ZFHX3: variants seen among roughly 807,000 people sequenced by gnomAD.
ZFHX3 encodes zinc finger homeobox protein 3.
In ZFHX3, 42 loss-of-function variants were observed where a neutral mutation model predicts 279.1. That is an observed-to-expected ratio of 0.15 (90% CI 0.12 to 0.19). ZFHX3 has a LOEUF of 0.19. Ranked by LOEUF, ZFHX3 falls within the 10% of genes least tolerant of loss-of-function variation. ZFHX3 has a pLI of 1.00. For missense variants in ZFHX3, 4,981 were observed against 4,754.0 expected (o/e 1.05, Z -1.40); for synonymous variants, 2,293 against 1,957.8 (o/e 1.17, Z -4.52).
intron 1 of ZFHX3, among the ~76,000 whole-genome samples, chr16:73,807,635 T>C (rs1960315792): frequency 7.0e-6 from 1 of 142,346 alleles, no homozygotes; most frequent in Non-Finnish European, 1.5e-5. Flanking sequence ...TTTTTTTTTT[T>C]TTTTTTTTTT....
chr16:73,665,943 G>A (rs1002000147), intron 2 of ZFHX3, among the ~76,000 whole-genome samples: 1 of 149,978 alleles, frequency 6.7e-6, no homozygotes, highest in African/African-American at 2.5e-5. Flanking sequence ...AACTTCATGA[G>A]TAACTGGGAC....
At chr16:73,414,245 A>G (rs541266922) in intron 3 of ZFHX3, among the ~76,000 whole-genome samples, 1 of 152,388 alleles carries the variant, frequency 6.6e-6, no homozygotes, top group African/African-American at 2.4e-5. Context: ...GAAAGGGACC[A>G]TAATTCAGGG....
At chr16:73,578,974 G>C (rs1046767901) in intron 2 of ZFHX3, among the ~76,000 whole-genome samples, 1 of 152,172 alleles carries the variant, frequency 6.6e-6, no homozygotes, top group African/African-American at 2.4e-5. Flanking sequence ...AGAAGGGAGA[G>C]CCGGACATGC....
rs1163028522 is a variant in ZFHX3 at position 72,784,283 on chromosome 16, C to T, written c.*2881G>A. 2 of 149,296 alleles carry T rather than the reference C, an allele frequency of 1.3e-5. No individual in the cohort carries two copies. The highest frequency in any genetic ancestry group is 4.9e-5 in the African/African-American group (2 of 40,586). 9.2% of individuals were successfully genotyped at this position (149,296 alleles called of 1,614,324 possible). On this transcript the variant is annotated 3_prime_UTR_variant, in exon 10 of 10. Transcript: ENST00000268489. The stretch of plus-strand genomic sequence containing the variant: ...AAAAAACAAAAACAAAAACAAAAAC[C>T]CAAACCATCAGGGAGGGGGCAGCAA...
At chr16:73,148,495 G>A (rs1247267594) in intron 5 of ZFHX3, among the ~76,000 whole-genome samples, 1 of 139,056 alleles carries the variant, frequency 7.2e-6, no homozygotes, top group Non-Finnish European at 1.5e-5. Context: ...TAGAAACTCA[G>A]TAATTTCTTC....
chr16:73,515,797 A>T (rs768206685), intron 2 of ZFHX3, among the ~76,000 whole-genome samples: 2 of 152,168 alleles, frequency 1.3e-5, no homozygotes, highest in Admixed American at 6.5e-5. Flanking sequence ...CCGTATCTAT[A>T]TCTCACCATT....
rs547265086 is a variant in ZFHX3 at position 73,333,327 on chromosome 16, C to G, written c.-1290-14991G>C. Among the ~76,000 whole-genome samples the G allele has an allele frequency of 1.1e-3, 171 of 152,040 alleles. 1 individual carries two copies. Among genetic ancestry groups the G allele is most frequent in the African/African-American group, 3.9e-3 (163 of 41,468 alleles). ...ACATAAATACATAGATATATAGACACAAGATACATAGACACATAGATGGAT... is the reference window on the plus strand; with the variant it reads ...ACATAAATACATAGATATATAGACAGAAGATACATAGACACATAGATGGAT... On this transcript the variant is annotated intron_variant, in intron 3 of 17. Coordinates refer to the ZFHX3 transcript ENST00000641206.
intron 1 of ZFHX3, among the ~76,000 whole-genome samples, chr16:73,888,097 C>A (rs1217630911): frequency 6.6e-6 from 1 of 152,122 alleles, no homozygotes; most frequent in Non-Finnish European, 1.5e-5. Flanking sequence ...CTCTCCCTAC[C>A]GCAAGCTATA....
At chr16:73,540,448 T>C (rs998135712) in intron 2 of ZFHX3, among the ~76,000 whole-genome samples, 5 of 152,216 alleles carry the variant, frequency 3.3e-5, no homozygotes, top group Admixed American at 6.5e-5. Context: ...TCCTAACTTT[T>C]AGTCGCATCA....
intron 5 of ZFHX3, among the ~76,000 whole-genome samples, chr16:73,246,454 C>A (rs566580151): frequency 1.3e-5 from 2 of 152,176 alleles, no homozygotes; most frequent in African/African-American, 4.8e-5. Context: ...AGGCTGACTG[C>A]GCTCCTAAAC....
At position 72,797,867 on chromosome 16, in the gene ZFHX3, G is replaced by A. The variant is rs1484744447; in HGVS notation, c.4815C>T (p.Tyr1605=). ...PFKCNTCNVA[Y]SQSSTLEIHM... ...GGATCTCCAGAGTGGAACTCTGGCT[G>A]TAGGCCACATTACAAGTGTTACACT... is the stretch of plus-strand genomic sequence containing the variant. Residue 1605 remains tyrosine (Y), a synonymous_variant, in exon 9 of 10, where the codon TAC becomes TAT. Coordinates refer to ENST00000268489, the MANE Select transcript of ZFHX3 (RefSeq NM_006885.4). 1 of 1,614,184 alleles carries A rather than the reference G, an allele frequency of 6.2e-7. No homozygotes were observed. The highest frequency in any genetic ancestry group is 2.2e-5 in the East Asian group (1 of 44,868).
At chr16:72,965,217 A>G (rs1961777241) in intron 1 of ZFHX3, among the ~76,000 whole-genome samples, 1 of 152,218 alleles carries the variant, frequency 6.6e-6, no homozygotes. Flanking sequence ...AGAGAACACT[A>G]GAACATCCCT....
chr16:73,445,043 G>A (rs887393182), intron 3 of ZFHX3, among the ~76,000 whole-genome samples: 4 of 151,354 alleles, frequency 2.6e-5, no homozygotes, highest in Non-Finnish European at 5.9e-5. Flanking sequence ...GCTGAGGCAG[G>A]AGAATTGCTT....
chr16:73,070,655 C>T (rs1878219168), intron 8 of ZFHX3, among the ~76,000 whole-genome samples: 1 of 152,046 alleles, frequency 6.6e-6, no homozygotes, highest in Non-Finnish European at 1.5e-5. Flanking sequence ...TATTTCCAGT[C>T]TGTTTACCTG....
At chr16:73,331,815 T>A (rs754188190) in intron 3 of ZFHX3, among the ~76,000 whole-genome samples, 1 of 152,188 alleles carries the variant, frequency 6.6e-6, no homozygotes, top group African/African-American at 2.4e-5. Context: ...ACATTTCTCT[T>A]CAATAACTTA....
At chr16:73,328,082 T>A (rs11859052) in intron 3 of ZFHX3, among the ~76,000 whole-genome samples, 3,084 of 152,274 alleles carry the variant, frequency 0.02, 109 homozygotes, top group African/African-American at 0.07. Flanking sequence ...TTTTTATTTA[T>A]TTTTATTTTT....
intron 1 of ZFHX3, among the ~76,000 whole-genome samples, chr16:73,045,356 T>C (rs778520870): frequency 2.0e-5 from 3 of 152,218 alleles, no homozygotes; most frequent in Non-Finnish European, 2.9e-5. Context: ...GCAAGCATCA[T>C]TTAAAGTCAT....
chr16:73,235,936 G>A (rs2012933550), intron 5 of ZFHX3, among the ~76,000 whole-genome samples: 2 of 152,170 alleles, frequency 1.3e-5, no homozygotes, highest in Admixed American at 1.3e-4. Flanking sequence ...TTCCCAAAGG[G>A]CTGGGATTAT....
Position 72,958,154 on chromosome 16 carries a change from A to G in ZFHX3, c.1992T>C (p.Ser664=), listed in dbSNP as rs201411323. ...ACTTGAGTGTCTTACACGAGTTACG[A>G]GAATGCATCATGGTCATGTGGCCGC... ...SLGGHMTMMH[S]RNSCKTLKCP... The change falls in exon 2 of 10, where the codon TCT becomes TCC. Residue 664 remains serine (S), a synonymous_variant. Transcript: ENST00000268489. 4 of 1,614,020 alleles carry G rather than the reference A, an allele frequency of 2.5e-6. No homozygotes were observed. Among genetic ancestry groups the G allele is most frequent in the African/African-American group, 2.7e-5 (2 of 75,016 alleles).
Sources: gnomAD v4.1 joint callset for allele counts (sites outside exome capture counted in the v4.1 genomes callset) on GRCh38, gnomAD v4.1.1 for gene constraint, MANE v1.5 for transcripts, NCBI Gene and HGNC (gene_info 2026-07-23, HGNC 2026-07-21) for gene names.